Variants in ADGRV1 observed in about 807,000 individuals in gnomAD.
ADGRV1 encodes the protein G-protein coupled receptor 98.
ADGRV1 carries 359 observed loss-of-function variants against 596.2 expected under a neutral mutation model. That is an observed-to-expected ratio of 0.60 (90% CI 0.55 to 0.66). The LOEUF (loss-of-function observed/expected upper bound fraction) is 0.66, where lower values mean the gene tolerates loss of function less well. ADGRV1 is among the 30% of genes least tolerant of loss of function. The probability of loss-of-function intolerance (pLI) is 0.00; values close to 1 mark genes in which losing one functional copy is unlikely to be tolerated. For missense variants in ADGRV1, 7,274 were observed against 7,575.6 expected (o/e 0.96, Z 1.48); for synonymous variants, 2,681 against 2,679.2 (o/e 1.00, Z -0.02).
rs555575937 is a variant in ADGRV1 at position 90,985,240 on chromosome 5, G to A, written c.17974-104G>A. ...AAAAATCAAAACTAATTATTAAGTA[G>A]ATCCTGGCCTTTTGTTGGTCGGTAA... On this transcript the variant is annotated intron_variant, in intron 84 of 89. Coordinates refer to ENST00000405460, the MANE Select transcript of ADGRV1 (RefSeq NM_032119.4). The A allele has an allele frequency of 3.7e-5, 23 of 619,932 alleles. 1 individual carries two copies. In the South Asian group the frequency reaches 1.0e-3, roughly 27 times the overall value. The allele number at this position is 619,932 out of a possible 1,614,324, so 38.4% of individuals were successfully genotyped here.
chr5:90,750,306 A>T (rs1755096188), intron 52 of ADGRV1, among the ~76,000 whole-genome samples: 3 of 152,216 alleles, frequency 2.0e-5, no homozygotes, highest in Admixed American at 1.3e-4. Context: ...AGAAACAGAA[A>T]CATAAAATAA....
intron 85 of ADGRV1, among the ~76,000 whole-genome samples, chr5:91,011,551 T>A (rs189134468): frequency 6.6e-5 from 10 of 152,116 alleles, no homozygotes; most frequent in South Asian, 2.1e-4. Flanking sequence ...CAGAATACTT[T>A]TGTAGACACT....
intron 83 of ADGRV1, among the ~76,000 whole-genome samples, chr5:90,915,516 C>T (rs182938380): frequency 9.2e-5 from 14 of 152,230 alleles, no homozygotes; most frequent in Non-Finnish European, 5.9e-5. Flanking sequence ...TTTGTTTTTC[C>T]GTTGTGACTG....
At chr5:91,125,666 G>A (rs953832764) in intron 87 of ADGRV1, among the ~76,000 whole-genome samples, 7 of 152,168 alleles carry the variant, frequency 4.6e-5, no homozygotes, top group African/African-American at 1.4e-4. Context: ...GTAAAGGGTA[G>A]CTTTATTATT....
intron 87 of ADGRV1, among the ~76,000 whole-genome samples, chr5:91,149,608 G>T (rs1795846626): frequency 6.6e-6 from 1 of 151,946 alleles, no homozygotes; most frequent in Non-Finnish European, 1.5e-5. Flanking sequence ...GAGGTGGGTG[G>T]CTCACTTGAG....
chr5:90,994,638 G>A (rs1466908593), intron 85 of ADGRV1, among the ~76,000 whole-genome samples: 1 of 152,008 alleles, frequency 6.6e-6, no homozygotes, highest in African/African-American at 2.4e-5. Flanking sequence ...GTAAATTTTT[G>A]TTGAAAATTG....
rs199798095 is a variant in ADGRV1 at position 90,614,967 on chromosome 5, G to A, written c.155G>A (p.Arg52His). 146 of 1,562,386 alleles carry A rather than the reference G, an allele frequency of 9.3e-5. No individual in the cohort carries two copies. Among genetic ancestry groups the A allele is most frequent in the Middle Eastern group, 6.8e-4 (4 of 5,866 alleles). Residue 52 changes from arginine (R) to histidine (H), a missense_variant, in exon 2 of 90, where the codon CGT (arginine) becomes CAT (histidine). This residue lies in a region of ADGRV1 where 1,715 missense variants were observed against 1,708.8 expected (regional missense o/e 1.00). Coordinates refer to ENST00000405460, the MANE Select transcript of ADGRV1 (RefSeq NM_032119.4). ...VVNETSTTVI[R>H]LIIERIGEPA... The stretch of plus-strand genomic sequence containing the variant: ...AATGAAACAAGTACAACAGTTATTC[G>A]TCTTATCATTGAAAGGATAGGAGAG...
intron 83 of ADGRV1, among the ~76,000 whole-genome samples, chr5:90,876,356 A>G (rs1026542715): frequency 6.6e-6 from 1 of 152,190 alleles, no homozygotes; most frequent in Non-Finnish European, 1.5e-5. Context: ...TCAATTAAAT[A>G]TTTATTTTAG....
intron 83 of ADGRV1, among the ~76,000 whole-genome samples, chr5:90,896,495 G>A (rs1050232527): frequency 6.6e-5 from 10 of 151,786 alleles, no homozygotes; most frequent in Non-Finnish European, 1.3e-4. Context: ...GGCTGGTCTC[G>A]AAATCCTGGG....
chr5:91,090,464 T>C (rs867785210), intron 86 of ADGRV1, among the ~76,000 whole-genome samples: 1 of 152,128 alleles, frequency 6.6e-6, no homozygotes, highest in Non-Finnish European at 1.5e-5. Flanking sequence ...GACACTGGAC[T>C]GTCTTTTAGC....
Position 90,810,339 on chromosome 5 carries a change from G to A in ADGRV1, c.15079G>A (p.Val5027Ile), listed in dbSNP as rs1762324816. ...AGATACACAGATGATCAGATTACAT[G>A]TACAAAGACTATTTGGGTTCCACAG... is the stretch of plus-strand genomic sequence containing the variant. ...SEDTQMIRLH[V>I]QRLFGFHSDL... The change falls in exon 74 of 90, where the codon GTA becomes ATA. Residue 5027 changes from valine (V) to isoleucine (I), a missense_variant. This residue lies in a region of ADGRV1 where 1,874 missense variants were observed against 1,970.2 expected (regional missense o/e 0.95). Transcript: ENST00000405460. 3.7e-6 allele frequency: 6 copies of A among 1,612,842 alleles called. No individual in the cohort carries two copies. Among genetic ancestry groups the A allele is most frequent in the South Asian group, 3.3e-5 (3 of 90,772 alleles).
chr5:91,143,674 A>G (rs1357968570), intron 87 of ADGRV1, among the ~76,000 whole-genome samples: 4 of 152,170 alleles, frequency 2.6e-5, no homozygotes, highest in Non-Finnish European at 5.9e-5. Flanking sequence ...AAAAAGCACC[A>G]TAAGTTCCCA....
intron 83 of ADGRV1, among the ~76,000 whole-genome samples, chr5:90,874,625 G>A (rs1696593360): frequency 6.6e-6 from 1 of 151,988 alleles, no homozygotes; most frequent in South Asian, 2.1e-4. Context: ...ACTTTGGGAG[G>A]CTGAGATGGG....
intron 87 of ADGRV1, among the ~76,000 whole-genome samples, chr5:91,119,114 TCAAA>T (rs1793092560): frequency 6.6e-6 from 1 of 152,152 alleles, no homozygotes; most frequent in Non-Finnish European, 1.5e-5. Flanking sequence ...CTTTGAAAAA[TCAAA>T]CAAGTTTTTA....
chr5:90,923,898 G>A (rs1774141638), intron 83 of ADGRV1, among the ~76,000 whole-genome samples: 1 of 149,752 alleles, frequency 6.7e-6, no homozygotes, highest in Non-Finnish European at 1.5e-5. Context: ...TTTTGTTCTT[G>A]CGATAGTTTA....
intron 86 of ADGRV1, among the ~76,000 whole-genome samples, chr5:91,089,350 A>C (rs996438438): frequency 1.3e-5 from 2 of 152,178 alleles, no homozygotes; most frequent in Non-Finnish European, 2.9e-5. Context: ...AAAGAGATGC[A>C]GTTAATCACA....
intron 89 of ADGRV1, among the ~76,000 whole-genome samples, chr5:91,159,711 T>C (rs547282165): frequency 6.6e-6 from 1 of 152,028 alleles, no homozygotes; most frequent in Admixed American, 6.6e-5. Context: ...TTTTTTTTTT[T>C]ATTTTAAATA....
At position 90,776,690 on chromosome 5, in the gene ADGRV1, CTA is replaced by C. The variant is rs1478274284; in HGVS notation, c.12527+119_12527+120del. On this transcript the variant is annotated intron_variant, in intron 61 of 89. Coordinates refer to ENST00000405460, the MANE Select transcript of ADGRV1 (RefSeq NM_032119.4). Reference sequence around the variant, plus strand: ...TACATAGTCTTCAAGCATTAACATTCTATATACTGTTAACATCCTGTGGAGAG... The same window carrying C: ...TACATAGTCTTCAAGCATTAACATTCTATACTGTTAACATCCTGTGGAGAG... 2.9e-5 allele frequency: 34 copies of C among 1,155,804 alleles called. No individual in the cohort carries two copies. In the African/African-American group the frequency reaches 4.7e-4, roughly 16 times the overall value. 71.6% of individuals were successfully genotyped at this position (1,155,804 alleles called of 1,614,324 possible).
chr5:90,992,018 T>C (rs1040700348), intron 85 of ADGRV1, among the ~76,000 whole-genome samples: 2 of 152,258 alleles, frequency 1.3e-5, no homozygotes, highest in African/African-American at 4.8e-5. Flanking sequence ...TGGGTGCACA[T>C]GCACACGCAT....
Sources: gnomAD v4.1 joint callset for allele counts (sites outside exome capture counted in the v4.1 genomes callset) on GRCh38, gnomAD v4.1.1 for gene constraint, gnomAD v4.1.1 regional missense constraint, MANE v1.5 for transcripts, NCBI Gene and HGNC (gene_info 2026-07-23, HGNC 2026-07-21) for gene names.